Variants in TLL1 observed in about 807,000 individuals in gnomAD.
TLL1 encodes tolloid like 1.
Under a neutral mutation model 128.2 loss-of-function variants are expected in TLL1, and 49 were observed. The ratio of observed to expected loss-of-function variants is 0.38; its 90% CI spans 0.30 to 0.48. The LOEUF is 0.48. TLL1 is among the 20% of genes least tolerant of loss of function. The probability of loss-of-function intolerance (pLI) is 0.96; values close to 1 mark genes in which losing one functional copy is unlikely to be tolerated. For synonymous variants in TLL1, 454 were observed against 418.8 expected (o/e 1.08, Z -1.03); for missense variants, 1,123 against 1,242.0 (o/e 0.90, Z 1.44).
chr4:165,966,628 G>A (rs921188046), intron 1 of TLL1, among the ~76,000 whole-genome samples: 2 of 152,118 alleles, frequency 1.3e-5, no homozygotes, highest in African/African-American at 4.8e-5. Context: ...TTTTAAAGCT[G>A]GGTTTCTGGG....
At chr4:166,010,005 T>C (rs1737616022) in intron 7 of TLL1, among the ~76,000 whole-genome samples, 1 of 151,424 alleles carries the variant, frequency 6.6e-6, no homozygotes, top group Admixed American at 6.6e-5. Flanking sequence ...CCTCTTGCAA[T>C]CACCATTCTA....
intron 9 of TLL1, among the ~76,000 whole-genome samples, chr4:166,037,922 T>C (rs1739073339): frequency 6.6e-6 from 1 of 152,206 alleles, no homozygotes; most frequent in Non-Finnish European, 1.5e-5. Flanking sequence ...GGAAAGTACA[T>C]GTTAGTCTAT....
In TLL1 at chr4:165,978,237, T is replaced by C. The variant is rs561034771; in HGVS notation, c.170-11144T>C. On this transcript the variant is annotated intron_variant, in intron 1 of 20. Transcript: ENST00000061240. Reference sequence around the variant, plus strand: ...TGGGGAGTTTTTTGGGTGCCAGTGGTTTTTATTACCACTGTGTTGGTTGTT... The same window carrying C: ...TGGGGAGTTTTTTGGGTGCCAGTGGCTTTTATTACCACTGTGTTGGTTGTT... 3.3e-5 allele frequency among the ~76,000 whole-genome samples: 5 copies of C among 152,150 alleles called. 1 individual carries two copies. In the East Asian group the frequency reaches 9.7e-4, roughly 29 times the overall value.
rs75925670 is a variant in TLL1, at chr4:165,988,415, G to A, written c.170-966G>A. ...GCTGGAGGCCAGGAGTTCATTATCA[G>A]CCTGGGCAACATGGCACAACCCTTT... On this transcript the variant is annotated intron_variant, in intron 1 of 20. Transcript: ENST00000061240. 3.3e-3 allele frequency among the ~76,000 whole-genome samples: 495 copies of A among 152,110 alleles called. 9 individuals are homozygous for A. The East Asian group carries it at 0.043, about 13-fold the overall frequency.
intron 1 of TLL1, among the ~76,000 whole-genome samples, chr4:165,962,788 C>T (rs966014659): frequency 1.3e-5 from 2 of 151,886 alleles, no homozygotes; most frequent in African/African-American, 4.8e-5. Flanking sequence ...AGGCAATTAT[C>T]CTAAGGGAAC....
At chr4:166,032,690 T>C (rs1435746037) in intron 9 of TLL1, among the ~76,000 whole-genome samples, 2 of 152,144 alleles carry the variant, frequency 1.3e-5, no homozygotes, top group African/African-American at 4.8e-5. Flanking sequence ...AAAACAATGC[T>C]TTATTTGCTT....
intron 1 of TLL1, among the ~76,000 whole-genome samples, chr4:165,967,203 C>T (rs1267424455): frequency 6.6e-6 from 1 of 152,198 alleles, no homozygotes; most frequent in East Asian, 1.9e-4. Context: ...GGTTATCTCC[C>T]TCGTTCCCTG....
At chr4:165,945,122 G>A (rs1270527180) in intron 1 of TLL1, among the ~76,000 whole-genome samples, 1 of 152,100 alleles carries the variant, frequency 6.6e-6, no homozygotes, top group Non-Finnish European at 1.5e-5. Flanking sequence ...AGGAATAGCT[G>A]ATGATATAGG....
chr4:166,055,500 A>C (rs896613119), intron 13 of TLL1, among the ~76,000 whole-genome samples: 1 of 152,160 alleles, frequency 6.6e-6, no homozygotes, highest in East Asian at 1.9e-4. Context: ...TTTTTTATGA[A>C]ATGGTCAAAA....
chr4:165,936,204 A>ATTTTTTTTTTT (rs1233905061), intron 1 of TLL1, among the ~76,000 whole-genome samples: 1 of 132,302 alleles, frequency 7.6e-6, no homozygotes, highest in Non-Finnish European at 1.6e-5. Context: ...ATATATATAT[A>ATTTTTTTTTTT]TATTTTTTTT....
At chr4:165,926,896 T>C (rs548205928) in intron 1 of TLL1, among the ~76,000 whole-genome samples, 35 of 152,362 alleles carry the variant, frequency 2.3e-4, no homozygotes, top group African/African-American at 7.9e-4. Flanking sequence ...TTTATTGCAC[T>C]AGATGGATAA....
Position 166,096,325 on chromosome 4 carries a change from G to A in TLL1, c.2657-2952G>A, listed in dbSNP as rs554058778. Among the ~76,000 whole-genome samples the A allele has an allele frequency of 1.3e-4, 20 of 148,452 alleles. No homozygotes were observed. The East Asian group carries it at 1.4e-3, about 10-fold the overall frequency. ...AGGGTGTGCACTGCAACAGATAAAC[G>A]AAAGCAGAAGCAAAACCGGGGGCGG... On this transcript the variant is annotated intron_variant, in intron 19 of 20. Coordinates refer to ENST00000061240, the MANE Select transcript of TLL1 (RefSeq NM_012464.5).
At chr4:165,985,472 C>A (rs775977400) in intron 1 of TLL1, among the ~76,000 whole-genome samples, 1 of 151,946 alleles carries the variant, frequency 6.6e-6, no homozygotes, top group Non-Finnish European at 1.5e-5. Flanking sequence ...TTTGTGTAAC[C>A]CCTTTTGACA....
intron 6 of TLL1, among the ~76,000 whole-genome samples, chr4:166,005,027 A>G (rs190292784): frequency 6.6e-6 from 1 of 152,154 alleles, no homozygotes; most frequent in East Asian, 1.9e-4. Context: ...TTCTTAGGGT[A>G]GTACACATCA....
At chr4:166,099,690 C>A (rs1742204303) in intron 20 of TLL1, among the ~76,000 whole-genome samples, 163 bp downstream of exon 20, 1 of 150,638 alleles carries the variant, frequency 6.6e-6, no homozygotes, top group Non-Finnish European at 1.5e-5. Flanking sequence ...CACGTCTCTA[C>A]CCTTATCACT....
At chr4:165,900,616 A>T (rs541485371) in intron 1 of TLL1, among the ~76,000 whole-genome samples, 1 of 152,234 alleles carries the variant, frequency 6.6e-6, no homozygotes, top group Admixed American at 6.5e-5. Flanking sequence ...TGTTATTCTG[A>T]TGGACTTCCC....
intron 1 of TLL1, among the ~76,000 whole-genome samples, chr4:165,952,499 T>C (rs970105209): frequency 4.6e-5 from 7 of 152,114 alleles, no homozygotes; most frequent in Admixed American, 3.3e-4. Flanking sequence ...GTTTTAAATA[T>C]TGATTTTCAG....
chr4:166,002,240 G>A (rs1473646162), intron 5 of TLL1, among the ~76,000 whole-genome samples: 2 of 152,018 alleles, frequency 1.3e-5, no homozygotes, highest in African/African-American at 4.8e-5. Flanking sequence ...TTTTATAAAG[G>A]CAGTGATCTC....
chr4:166,098,579 A>G (rs1742136509), intron 19 of TLL1, among the ~76,000 whole-genome samples: 1 of 152,062 alleles, frequency 6.6e-6, no homozygotes, highest in South Asian at 2.1e-4. Context: ...CATGTAATAA[A>G]CACAGGCTAT....
Sources: allele counts gnomAD v4.1 joint callset (sites outside exome capture counted in the v4.1 genomes callset), GRCh38; gene constraint gnomAD v4.1.1; transcripts MANE v1.5; gene names NCBI Gene and HGNC (gene_info 2026-07-23, HGNC 2026-07-21).